Variants in DACH2 observed in about 807,000 individuals in gnomAD.
DACH2 encodes dachshund family transcription factor 2.
DACH2 carries 17 observed loss-of-function variants against 35.8 expected under a neutral mutation model. That is an observed-to-expected ratio of 0.48 (90% CI 0.33 to 0.71). The LOEUF is 0.71. Ranked by LOEUF, DACH2 falls within the 30% of genes least tolerant of loss-of-function variation. The probability of loss-of-function intolerance (pLI) is 0.02; values close to 1 mark genes in which losing one functional copy is unlikely to be tolerated. For synonymous variants in DACH2, 195 were observed against 177.3 expected (o/e 1.10, Z -0.79); for missense variants, 469 against 472.7 (o/e 0.99, Z 0.07).
intron 1 of DACH2, chrX:86,304,674 G>C: frequency 1.2e-5 from 2 of 170,374 alleles, no homozygotes; most frequent in Non-Finnish European, 2.6e-5. Context: ...GACAGCAGTA[G>C]GATCCAGGCA....
At chrX:86,269,380 G>A (rs1271114573) in intron 1 of DACH2, among the ~76,000 whole-genome samples, 3 of 111,067 alleles carry the variant, frequency 2.7e-5, no homozygotes, top group Non-Finnish European at 3.8e-5. Flanking sequence ...CCACATTTTC[G>A]AACTTTCTAA....
At chrX:86,657,676 G>T (rs1382692331) in intron 4 of DACH2, among the ~76,000 whole-genome samples, 2 of 111,281 alleles carry the variant, frequency 1.8e-5, no homozygotes, top group Admixed American at 9.6e-5. Flanking sequence ...CAAGGTTTGT[G>T]TAGCCAGAAA....
intron 3 of DACH2, among the ~76,000 whole-genome samples, chrX:86,582,887 CA>C (rs2039520316): frequency 9.1e-6 from 1 of 110,377 alleles, no homozygotes; most frequent in African/African-American, 3.3e-5. Flanking sequence ...ACGCTGATGC[CA>C]AAACCTGGCA....
intron 2 of DACH2, among the ~76,000 whole-genome samples, chrX:86,423,290 C>T (rs748289617): frequency 2.7e-5 from 3 of 110,902 alleles, no homozygotes; most frequent in Non-Finnish European, 3.8e-5. Flanking sequence ...CACTAATAGT[C>T]TAGGAGGCTT....
chrX:86,652,790 G>T (rs1233768041), intron 4 of DACH2, among the ~76,000 whole-genome samples: 1 of 111,808 alleles, frequency 8.9e-6, no homozygotes, highest in Non-Finnish European at 1.9e-5. Flanking sequence ...TTTGAACAGG[G>T]TTGTTTTTTG....
intron 2 of DACH2, among the ~76,000 whole-genome samples, chrX:86,392,556 G>A (rs1407665984): frequency 2.7e-5 from 3 of 111,595 alleles, no homozygotes; most frequent in Non-Finnish European, 5.7e-5. Context: ...GTCAATTTGG[G>A]AGATTTGAAT....
chrX:86,599,149 C>A (rs1467716376), intron 3 of DACH2, among the ~76,000 whole-genome samples: 1 of 111,210 alleles, frequency 9.0e-6, no homozygotes, highest in African/African-American at 3.3e-5. Flanking sequence ...TTTTTAATGG[C>A]TGCGTAGTAT....
At chrX:86,441,479 CTGTG>C (rs61396163) in intron 2 of DACH2, among the ~76,000 whole-genome samples, 16,262 of 94,893 alleles carry the variant, frequency 0.17, 1,276 homozygotes, top group African/African-American at 0.26. Context: ...AAGTATTCCA[CTGTG>C]TGTGTGTGTG....
intron 1 of DACH2, among the ~76,000 whole-genome samples, chrX:86,204,517 G>T (rs1247649505): frequency 1.8e-5 from 2 of 111,387 alleles, no homozygotes; most frequent in African/African-American, 6.5e-5. Context: ...TTTTGAAATA[G>T]AACTATTACT....
intron 2 of DACH2, among the ~76,000 whole-genome samples, chrX:86,434,148 AT>A (rs1465106989): frequency 8.9e-6 from 1 of 112,469 alleles, no homozygotes; most frequent in Non-Finnish European, 1.9e-5. Flanking sequence ...GCTTTAAAAA[AT>A]ATATGAAAGA....
intron 2 of DACH2, among the ~76,000 whole-genome samples, chrX:86,504,969 A>G (rs1442029279): frequency 8.9e-6 from 1 of 111,993 alleles, no homozygotes; most frequent in African/African-American, 3.2e-5. Context: ...AATGTATTGC[A>G]GTTATATTAA....
chrX:86,441,515 G>A (rs867284087), intron 2 of DACH2, among the ~76,000 whole-genome samples: 23 of 80,311 alleles, frequency 2.9e-4, no homozygotes, highest in Non-Finnish European at 4.7e-4. Context: ...GTGTGTGTGT[G>A]TATACACCAC....
intron 4 of DACH2, among the ~76,000 whole-genome samples, chrX:86,689,188 A>G (rs2040981799): frequency 8.9e-6 from 1 of 111,901 alleles, no homozygotes; most frequent in Non-Finnish European, 1.9e-5. Flanking sequence ...ATATTGGTTC[A>G]AATTTCAGAT....
chrX:86,645,806 A>G (rs184649983), intron 3 of DACH2, among the ~76,000 whole-genome samples: 77 of 111,579 alleles, frequency 6.9e-4, no homozygotes, highest in African/African-American at 2.3e-3. Context: ...AGGAACAGAA[A>G]ACCAAATACT....
At chrX:86,276,447 G>C (rs1245897957) in intron 1 of DACH2, among the ~76,000 whole-genome samples, 1 of 111,527 alleles carries the variant, frequency 9.0e-6, no homozygotes, top group Non-Finnish European at 1.9e-5. Flanking sequence ...TGTTAGATGG[G>C]TGGTTTACAA....
intron 1 of DACH2, among the ~76,000 whole-genome samples, chrX:86,288,452 C>T (rs745589917): frequency 3.6e-5 from 4 of 112,183 alleles, no homozygotes; most frequent in African/African-American, 1.3e-4. Flanking sequence ...GCCTCCAGAC[C>T]TGTGTCCTTC....
rs374244982 is a variant in DACH2 at position 86,408,046 on chromosome X, C to T, written c.527+31184C>T. On this transcript the variant is annotated intron_variant, in intron 2 of 11. Coordinates refer to ENST00000373125, the MANE Select transcript of DACH2 (RefSeq NM_053281.3). ...TTGACTGAATGTACAGTGCCCCTTT[C>T]ACCACGCTGCTTGGCTAAGTGTTAT... 3.3e-4 allele frequency among the ~76,000 whole-genome samples: 37 copies of T among 110,834 alleles called. No individual in the cohort carries two copies. In the East Asian group the frequency reaches 3.4e-3, roughly 10 times the overall value.
chrX:86,426,911 T>C (rs1160190145), intron 2 of DACH2, among the ~76,000 whole-genome samples: 2 of 112,396 alleles, frequency 1.8e-5, no homozygotes, highest in Non-Finnish European at 3.8e-5. Context: ...ATTAAAACCC[T>C]CTAGAAAAGC....
intron 3 of DACH2, among the ~76,000 whole-genome samples, chrX:86,621,600 A>T (rs1286700593): frequency 9.0e-6 from 1 of 111,553 alleles, no homozygotes; most frequent in Non-Finnish European, 1.9e-5. Context: ...AGCTTTGTTC[A>T]ATTCTCTGCC....
Sources: allele counts gnomAD v4.1 joint callset (sites outside exome capture counted in the v4.1 genomes callset), GRCh38; gene constraint gnomAD v4.1.1; transcripts MANE v1.5; gene names NCBI Gene and HGNC (gene_info 2026-07-23, HGNC 2026-07-21).